The following TMC5 variants were observed in gnomAD, a reference collection of about 807,000 sequenced individuals.
The protein encoded by TMC5 is transmembrane channel-like protein 5.
Under a neutral mutation model 110.5 loss-of-function variants are expected in TMC5, and 86 were observed. The ratio of observed to expected loss-of-function variants is 0.78; its 90% CI spans 0.65 to 0.93. The LOEUF (loss-of-function observed/expected upper bound fraction) is 0.93. TMC5 is among the 40% of genes least tolerant of loss of function. The pLI, the probability that TMC5 is intolerant of heterozygous loss-of-function variation, is 0.00. For synonymous variants in TMC5, 455 were observed against 439.5 expected (o/e 1.04, Z -0.44); for missense variants, 1,144 against 1,222.8 (o/e 0.94, Z 0.96).
At chr16:19,423,435 C>T (rs1374634411) in intron 1 of TMC5, among the ~76,000 whole-genome samples, 2 of 152,230 alleles carry the variant, frequency 1.3e-5, no homozygotes, top group Non-Finnish European at 2.9e-5. Context: ...TAAACTTGGA[C>T]AGCGTCGCTG....
At position 19,440,511 on chromosome 16, in the gene TMC5, C is replaced by G. The variant is rs748742122; in HGVS notation, c.473C>G (p.Ser158Cys). The change falls in exon 3 of 22, where the codon TCC (serine) becomes TGC (cysteine). Residue 158 changes from serine to cysteine, a missense_variant. Physicochemically the swap from Ser to Cys is moderately radical, Grantham distance 112. Coordinates refer to ENST00000542583, the MANE Select transcript of TMC5 (RefSeq NM_001261841.2). ...AGAACACATCCAGATCATTTTGGCTCCTTAGAACCGGACTACCCTGGAGCT... is the reference window on the plus strand; with the variant it reads ...AGAACACATCCAGATCATTTTGGCTGCTTAGAACCGGACTACCCTGGAGCT... ...GSRTHPDHFG[S>C]LEPDYPGAQS... The G allele has an allele frequency of 1.2e-6, 2 of 1,614,022 alleles. No homozygotes were observed. The highest frequency in any genetic ancestry group is 4.5e-5 in the East Asian group (2 of 44,892).
At chr16:19,421,061 G>T (rs375496621) in intron 1 of TMC5, among the ~76,000 whole-genome samples, 5 of 152,126 alleles carry the variant, frequency 3.3e-5, no homozygotes, top group African/African-American at 1.2e-4. Context: ...GGACCTGGCA[G>T]TATGAGACTC....
chr16:19,426,042 G>C (rs1008752666), intron 1 of TMC5, among the ~76,000 whole-genome samples: 2 of 152,202 alleles, frequency 1.3e-5, no homozygotes, highest in African/African-American at 2.4e-5. Flanking sequence ...TGCCTGTCCA[G>C]ATCTTAGAAC....
In TMC5 at chr16:19,424,511, C is replaced by T. The variant is rs575716879; in HGVS notation, c.-307-5902C>T. Among the ~76,000 whole-genome samples, 35 of 152,034 alleles carry T rather than the reference C, an allele frequency of 2.3e-4. 1 individual carries two copies. The highest frequency in any genetic ancestry group is 1.9e-3 in the Admixed American group (29 of 15,260). On this transcript the variant is annotated intron_variant, in intron 1 of 21. Coordinates refer to ENST00000542583, the MANE Select transcript of TMC5 (RefSeq NM_001261841.2). ...AAAAAATACGAAAATTAGACGGGCA[C>T]GGTGGCGGACCCCTGTAATCCCAGC...
chr16:19,463,308 C>T lies in TMC5; in HGVS notation c.1177C>T (p.Gln393Ter). ...AATAGTTGACAAAGAAAAAAGCAAA[C>T]AGACCCATCGTATCCTTCAGCTCAA... ...RKIVDKEKSK[Q>*]THRILQLNCC... The change falls in exon 7 of 22, where the codon CAG becomes TAG. Residue 393 changes from glutamine to a stop codon, truncating the protein, a stop_gained. Transcript: ENST00000542583. LOFTEE classifies it high-confidence loss of function. The T allele has an allele frequency of 1.9e-6, 3 of 1,614,070 alleles. No homozygotes were observed. Among genetic ancestry groups the T allele is most frequent in the East Asian group, 2.2e-5 (1 of 44,886 alleles).
rs1428536012 is a variant in TMC5 at position 19,479,411 on chromosome 16, G to C, written c.2170-20G>C. 1.1e-5 allele frequency: 18 copies of C among 1,589,606 alleles called. No homozygotes were observed. The highest frequency in any genetic ancestry group is 1.3e-5 in the African/African-American group (1 of 74,422). ...AGGCCACAGCCCCTTCCCACATCCT[G>C]ACTCTTGTTTGCCTTCCAGTGTTGG... On this transcript the variant is annotated intron_variant, in intron 13 of 21. Coordinates refer to ENST00000542583, the MANE Select transcript of TMC5 (RefSeq NM_001261841.2).
chr16:19,488,703 G>C (rs796550758), intron 17 of TMC5, among the ~76,000 whole-genome samples: 1 of 152,106 alleles, frequency 6.6e-6, no homozygotes, highest in East Asian at 1.9e-4. Flanking sequence ...TCTGCTCTCA[G>C]TTCCCCACTG....
intron 17 of TMC5, chr16:19,487,724 T>G (rs1301551639): frequency 5.3e-5 from 6 of 113,274 alleles, no homozygotes; most frequent in African/African-American, 2.7e-4. Flanking sequence ...AATAAATAAA[T>G]AAATAAATAA....
At chr16:19,411,715 T>C (rs915048147) in intron 1 of TMC5, 1 of 151,824 alleles carries the variant, frequency 6.6e-6, no homozygotes. Flanking sequence ...AATGTGTGCA[T>C]TCCAGAAGGG....
At chr16:19,490,920 T>TCCC (rs1968883109) in intron 18 of TMC5, among the ~76,000 whole-genome samples, 1 of 103,102 alleles carries the variant, frequency 9.7e-6, no homozygotes, top group African/African-American at 4.9e-5. Context: ...CCCTTCCCCT[T>TCCC]CTTTCTCCCT....
rs376121238 is a variant in TMC5, at chr16:19,474,194, G to T, written c.2008G>T (p.Ala670Ser). 6.2e-7 allele frequency: 1 copy of T among 1,614,050 alleles called. No individual in the cohort carries two copies. Among genetic ancestry groups the T allele is most frequent in the Non-Finnish European group, 8.5e-7 (1 of 1,180,018 alleles). ...LPFVVSCINLAVPCIYSMFRL... is the reference protein window; with the variant it reads ...LPFVVSCINLSVPCIYSMFRL... ...TTTCGTTGTGTCCTGCATTAATCTGGCCGTGCCATGCATCTACTCCATGTT... is the reference window on the plus strand; with the variant it reads ...TTTCGTTGTGTCCTGCATTAATCTGTCCGTGCCATGCATCTACTCCATGTT... Residue 670 changes from alanine (A) to serine (S), a missense_variant, in exon 12 of 22, where the codon GCC (alanine) becomes TCC (serine). Ala to Ser is a moderately conservative substitution (Grantham distance 99). Coordinates refer to ENST00000542583, the MANE Select transcript of TMC5 (RefSeq NM_001261841.2).
At chr16:19,489,911 C>T (rs1243454385) in intron 17 of TMC5, among the ~76,000 whole-genome samples, 2 of 151,946 alleles carry the variant, frequency 1.3e-5, no homozygotes, top group African/African-American at 2.4e-5. Flanking sequence ...ACCTCAGCCT[C>T]CTATGTAGCC....
rs777378248 is a variant in TMC5, at chr16:19,440,690, C to G, written c.652C>G (p.Pro218Ala). 6.2e-7 allele frequency: 1 copy of G among 1,614,204 alleles called. No homozygotes were observed. The highest frequency in any genetic ancestry group is 1.7e-5 in the Admixed American group (1 of 60,014). ...CGCTGACATTCAACCTAACTCTCCACCCTTTTTTGGGGAGCCAGACTATCC... is the reference window on the plus strand; with the variant it reads ...CGCTGACATTCAACCTAACTCTCCAGCCTTTTTTGGGGAGCCAGACTATCC... Reference protein sequence around the residue: ...PGADIQPNSPPFFGEPDYPSA... With the variant: ...PGADIQPNSPAFFGEPDYPSA... The change falls in exon 3 of 22, where the codon CCC (proline) becomes GCC (alanine). Residue 218 changes from proline to alanine, a missense_variant. Transcript: ENST00000542583.
rs35775078 is a variant in TMC5 at position 19,492,932 on chromosome 16, ATCTC to A, written c.2826+708_2826+711del. Among the ~76,000 whole-genome samples the A allele has an allele frequency of 2.6e-3, 255 of 99,836 alleles. 26 individuals are homozygous for A. The highest frequency in any genetic ancestry group is 8.7e-3 in the South Asian group (20 of 2,310). 65.5% of individuals were successfully genotyped at this position (99,836 alleles called of 152,430 possible). A position where few individuals can be genotyped will look rare whatever the true frequency, so the allele number is the denominator to read the frequency against. On this transcript the variant is annotated intron_variant, in intron 19 of 21. Coordinates refer to ENST00000542583, the MANE Select transcript of TMC5 (RefSeq NM_001261841.2). ...AAAACTTAGATATATATATATATAT[ATCTC>A]TCTATAAGATAAATACTTTTATTTC... is the stretch of plus-strand genomic sequence containing the variant.
At chr16:19,449,494 C>A in intron 4 of TMC5, 48 bp from the exon 5 acceptor site, 2 of 1,471,732 alleles carry the variant, frequency 1.4e-6, no homozygotes, top group Non-Finnish European at 1.9e-6. Flanking sequence ...CCAGGAATGT[C>A]TAGTGTGGTG....
At chr16:19,485,580 G>A (rs1968720322) in intron 15 of TMC5, among the ~76,000 whole-genome samples, 1 of 152,106 alleles carries the variant, frequency 6.6e-6, no homozygotes, top group East Asian at 1.9e-4. Flanking sequence ...TTACAGGCAT[G>A]AGCCACCACG....
intron 9 of TMC5, among the ~76,000 whole-genome samples, chr16:19,466,725 AAG>A (rs971531253): frequency 6.6e-6 from 1 of 152,198 alleles, no homozygotes; most frequent in African/African-American, 2.4e-5. Context: ...TGGACAGAGG[AAG>A]AGAGGTTTTT....
At chr16:19,469,177 A>G (rs757968122) in intron 9 of TMC5, among the ~76,000 whole-genome samples, 4 of 152,030 alleles carry the variant, frequency 2.6e-5, no homozygotes, top group Non-Finnish European at 5.9e-5. Flanking sequence ...AACATGGTGA[A>G]ACCCTGCCTC....
intron 19 of TMC5, among the ~76,000 whole-genome samples, chr16:19,492,915 G>GATAGATATATATATATATATATATAT (rs58561457): frequency 1.2e-4 from 5 of 42,788 alleles, no homozygotes; most frequent in Non-Finnish European, 2.3e-4. Flanking sequence ...TTAAAACTTA[G>GATAGATATATATATATATATATATAT]ATATATATAT....
Sources: allele counts gnomAD v4.1 joint callset (sites outside exome capture counted in the v4.1 genomes callset), GRCh38; gene constraint gnomAD v4.1.1; transcripts MANE v1.5; gene names NCBI Gene and HGNC (gene_info 2026-07-23, HGNC 2026-07-21).